ZNG1A: variants seen among roughly 807,000 people sequenced by gnomAD.
ZNG1A encodes Zn regulated GTPase metalloprotein activator 1A, also known as zinc-regulated GTPase metalloprotein activator 1A.
chr9:153,900 A>C, the ZNG1A span: 2 of 152,138 alleles, frequency 1.3e-5, no homozygotes, highest in Admixed American at 1.3e-4. Flanking sequence ...CATTAAAGAT[A>C]ACCAATACTA....
At chr9:152,315 A>T in the ZNG1A span, among the ~76,000 whole-genome samples, 1 of 152,210 alleles carries the variant, frequency 6.6e-6, no homozygotes, top group East Asian at 1.9e-4. Flanking sequence ...ATATGCAAAA[A>T]TTCGCACAAC....
chr9:143,764 T>C, the ZNG1A span, among the ~76,000 whole-genome samples: 1 of 116,210 alleles, frequency 8.6e-6, no homozygotes, highest in Non-Finnish European at 1.7e-5. Flanking sequence ...TGTCCCTGTT[T>C]GCAGATGACA....
chr9:155,013 T>C, the ZNG1A span, among the ~76,000 whole-genome samples: 2 of 152,178 alleles, frequency 1.3e-5, no homozygotes, highest in African/African-American at 4.8e-5. Context: ...TTCATTACTA[T>C]GCAAGTTCAG....
the ZNG1A span, among the ~76,000 whole-genome samples, chr9:164,687 ATT>A: frequency 6.9e-6 from 1 of 145,418 alleles, no homozygotes; most frequent in Non-Finnish European, 1.5e-5. Context: ...ACATACCCTG[ATT>A]AGTATGCCAC....
At chr9:146,857 A>G in the ZNG1A span, 1 of 150,968 alleles carries the variant, frequency 6.6e-6, no homozygotes, top group African/African-American at 2.4e-5. Flanking sequence ...TGATTGAGTT[A>G]TAATTTTAAC....
chr9:177,567 A>C, the ZNG1A span, among the ~76,000 whole-genome samples: 2 of 152,060 alleles, frequency 1.3e-5, no homozygotes. Flanking sequence ...AAAAATCAGA[A>C]GAAAAATGTA....
chr9:138,059 G>C, the ZNG1A span, among the ~76,000 whole-genome samples: 2 of 149,072 alleles, frequency 1.3e-5, no homozygotes, highest in South Asian at 4.3e-4. Flanking sequence ...TAGAAAAATA[G>C]AAATAACTCA....
the ZNG1A span, chr9:150,083 G>C: frequency 1.3e-5 from 2 of 148,634 alleles, no homozygotes; most frequent in African/African-American, 2.5e-5. Flanking sequence ...TTCTATAAGA[G>C]TGACTTTGAC....
the ZNG1A span, among the ~76,000 whole-genome samples, chr9:125,888 C>A: frequency 2.0e-5 from 1 of 50,872 alleles, no homozygotes; most frequent in South Asian, 7.9e-4. Context: ...CTATTCTGTT[C>A]CATTGGTCCA....
At chr9:120,963 GAA>G in the ZNG1A span, 1 of 165,530 alleles carries the variant, frequency 6.0e-6, no homozygotes, top group African/African-American at 2.4e-5. Flanking sequence ...TGAAATGGGG[GAA>G]AAGAGTAACT....
the ZNG1A span, chr9:171,792 T>C: frequency 4.0e-5 from 16 of 401,122 alleles, no homozygotes; most frequent in African/African-American, 3.1e-4. Context: ...GTCTCTGCTC[T>C]TCCTACATGT....
At chr9:161,371 G>C in the ZNG1A span, among the ~76,000 whole-genome samples, 2 of 151,374 alleles carry the variant, frequency 1.3e-5, no homozygotes, top group Non-Finnish European at 2.9e-5. Flanking sequence ...AGGAGGCTGA[G>C]ACAAGGGAAT....
At chr9:160,129 C>T in the ZNG1A span, 298 of 454,646 alleles carry the variant, frequency 6.6e-4, 4 homozygotes, top group Middle Eastern at 6.2e-3. Flanking sequence ...TTTAAGTTGT[C>T]CAATTCTTTG....
the ZNG1A span, among the ~76,000 whole-genome samples, chr9:143,673 T>C: frequency 8.1e-6 from 1 of 122,766 alleles, no homozygotes; most frequent in East Asian, 2.6e-4. Flanking sequence ...CTATTCAACA[T>C]AGTGTTGGAA....
At chr9:164,593 T>C in the ZNG1A span, 2 of 149,874 alleles carry the variant, frequency 1.3e-5, no homozygotes, top group East Asian at 3.9e-4. Context: ...TTTAGTACTG[T>C]ATAAAACCTG....
At chr9:146,927 G>C in the ZNG1A span, 1 of 152,262 alleles carries the variant, frequency 6.6e-6, no homozygotes. Context: ...TGCAATCCCA[G>C]CACTCTGGGA....
chr9:160,259 C>T, the ZNG1A span: 1 of 446,460 alleles, frequency 2.2e-6, no homozygotes, highest in Non-Finnish European at 4.5e-6. Context: ...GGTACCATTT[C>T]TCAGCTTTAC....
At chr9:177,233 A>G in the ZNG1A span, among the ~76,000 whole-genome samples, 1 of 152,154 alleles carries the variant, frequency 6.6e-6, no homozygotes, top group African/African-American at 2.4e-5. Context: ...AATTCATGTT[A>G]AGGAATTTGG....
chr9:128,480 T>C, the ZNG1A span, among the ~76,000 whole-genome samples: 1 of 150,980 alleles, frequency 6.6e-6, no homozygotes, highest in Non-Finnish European at 1.5e-5. Flanking sequence ...TGCTAAGACT[T>C]TCCAGAGCAT....
Sources: allele counts gnomAD v4.1 joint callset (sites outside exome capture counted in the v4.1 genomes callset), GRCh38; gene constraint gnomAD v4.1.1; transcripts MANE v1.5; gene names NCBI Gene and HGNC (gene_info 2026-07-23, HGNC 2026-07-21).